POLD1: variants seen among roughly 807,000 people sequenced by gnomAD.
POLD1 encodes the protein DNA polymerase delta catalytic subunit.
Under a neutral mutation model 129.7 loss-of-function variants are expected in POLD1, and 79 were observed. The ratio of observed to expected loss-of-function variants is 0.61; its 90% CI spans 0.51 to 0.73. The LOEUF (loss-of-function observed/expected upper bound fraction) is 0.73. Ranked by LOEUF, POLD1 falls within the 30% of genes least tolerant of loss-of-function variation. POLD1 has a pLI of 0.00. For missense variants in POLD1, 1,338 were observed against 1,595.8 expected, an observed-to-expected ratio of 0.84 and a Z score of 2.75; for synonymous variants, 714 against 683.3, an observed-to-expected ratio of 1.04 and a Z score of -0.70.
intron 17 of POLD1, among the ~76,000 whole-genome samples, chr19:50,412,371 T>C (rs2039116123): frequency 6.6e-6 from 1 of 152,036 alleles, no homozygotes; most frequent in Non-Finnish European, 1.5e-5. Flanking sequence ...CAGGCTGGTC[T>C]TGAACTCCTG....
chr19:50,387,572 C>G (rs2038014740), intron 1 of POLD1: 1 of 152,420 alleles, frequency 6.6e-6, no homozygotes, highest in South Asian at 2.1e-4. Flanking sequence ...AGGTTTTGCC[C>G]CTGGTGACAC....
intron 22 of POLD1, 88 bp downstream of exon 22, chr19:50,415,914 G>A: frequency 2.9e-6 from 3 of 1,039,582 alleles, no homozygotes; most frequent in East Asian, 2.6e-5. Context: ...GGAAGGGTGG[G>A]GCCTCCCGTG....
At chr19:50,417,495 T>C (rs1431350868) in intron 26 of POLD1, among the ~76,000 whole-genome samples, 2 of 152,086 alleles carry the variant, frequency 1.3e-5, no homozygotes, top group Non-Finnish European at 2.9e-5. Flanking sequence ...CGGCACCCAG[T>C]GTTGCCCGGG....
chr19:50,416,852 CCT>C, intron 24 of POLD1, 129 bp downstream of exon 24: 1 of 928,714 alleles, frequency 1.1e-6, no homozygotes, highest in Non-Finnish European at 1.6e-6. Context: ...GTGGGTGGCC[CCT>C]GTCTCCACCC....
At chr19:50,389,887 G>GTT (rs111716675) in intron 1 of POLD1, among the ~76,000 whole-genome samples, 2 of 141,390 alleles carry the variant, frequency 1.4e-5, no homozygotes, top group East Asian at 4.2e-4. Flanking sequence ...TGTCCAGCCT[G>GTT]TTTTTTTTTT....
chr19:50,401,287 TATA>T (rs940810359), intron 3 of POLD1, among the ~76,000 whole-genome samples: 8 of 136,868 alleles, frequency 5.8e-5, no homozygotes, highest in African/African-American at 1.0e-4. Context: ...ATGTATAACA[TATA>T]TTATATATTA....
Position 50,403,479 on chromosome 19 carries a change from G to A in POLD1, c.1138-14G>A, listed in dbSNP as rs200111674. ...GGCAACCACCAGGGTGACCCAATGT[G>A]CTCCCACCCCCAGGCCTGGTCCACC... On this transcript the variant is annotated splice_polypyrimidine_tract_variant and intron_variant, in intron 9 of 26. Coordinates refer to ENST00000440232, the MANE Select transcript of POLD1 (RefSeq NM_002691.4). The A allele has an allele frequency of 6.3e-7, 1 of 1,589,546 alleles. No individual in the cohort carries two copies.
intron 3 of POLD1, among the ~76,000 whole-genome samples, chr19:50,401,079 G>A (rs2038582366): frequency 6.6e-6 from 1 of 151,466 alleles, no homozygotes; most frequent in Non-Finnish European, 1.5e-5. Flanking sequence ...CTTGAGGACA[G>A]GAGTTCAAGA....
At chr19:50,392,460 C>T (rs2546548) in intron 1 of POLD1, among the ~76,000 whole-genome samples, 10,838 of 151,964 alleles carry the variant, frequency 0.071, 1,269 homozygotes, top group African/African-American at 0.24. Flanking sequence ...CACCCCTCAC[C>T]TTGGATTCGT....
At chr19:50,404,855 G>A (rs1361694545) in intron 10 of POLD1, among the ~76,000 whole-genome samples, 3 of 123,414 alleles carry the variant, frequency 2.4e-5, no homozygotes, top group Non-Finnish European at 4.4e-5. Flanking sequence ...CCCAGGGGGC[G>A]CTGGGGTGTA....
At chr19:50,393,095 A>G (rs2038227498) in intron 1 of POLD1, among the ~76,000 whole-genome samples, 1 of 152,236 alleles carries the variant, frequency 6.6e-6, no homozygotes, top group African/African-American at 2.4e-5. Flanking sequence ...GTGATAATAT[A>G]TCTACAGTGT....
intron 1 of POLD1, among the ~76,000 whole-genome samples, chr19:50,385,580 ATGCAGTGG>A (rs2037942291): frequency 6.7e-6 from 1 of 148,364 alleles, no homozygotes; most frequent in Non-Finnish European, 1.5e-5. Flanking sequence ...CCAGGCTGGA[ATGCAGTGG>A]TGCAAACTCA....
At chr19:50,404,631 T>G (rs537050618) in intron 10 of POLD1, among the ~76,000 whole-genome samples, 1 of 130,640 alleles carries the variant, frequency 7.7e-6, no homozygotes, top group South Asian at 2.4e-4. Flanking sequence ...CAGGCTGGAG[T>G]GCGATGGCAC....
chr19:50,386,952 G>A (rs968678084), intron 1 of POLD1, among the ~76,000 whole-genome samples: 5 of 152,316 alleles, frequency 3.3e-5, no homozygotes, highest in African/African-American at 1.2e-4. Context: ...CAGCACTTTG[G>A]GAGGCCGAGG....
At position 50,402,637 on chromosome 19, in the gene POLD1, A is replaced by G. The variant is rs878854558; in HGVS notation, c.866A>G (p.Asp289Gly). 2.3e-5 allele frequency: 36 copies of G among 1,580,034 alleles called. No homozygotes were observed. The highest frequency in any genetic ancestry group is 3.0e-5 in the Non-Finnish European group (35 of 1,162,392). ...GCTACGCAGTGCCAGCTGGAGGCGG[A>G]CGTGCTGTGGTCTGACGTGGTCAGT... ...EKATQCQLEA[D>G]VLWSDVVSHP... is the part of the protein sequence containing the mutation. Residue 289 changes from aspartate to glycine, a missense_variant, in exon 8 of 27, where the codon GAC becomes GGC. This residue lies in a region of POLD1 where 720 missense variants were observed against 1,002.6 expected (regional missense o/e 0.72). Transcript: ENST00000440232.
At chr19:50,401,379 ATATATATATATATTTTTT>A (rs2038606114) in intron 3 of POLD1, among the ~76,000 whole-genome samples, 2 of 55,076 alleles carry the variant, frequency 3.6e-5, no homozygotes, top group Non-Finnish European at 3.7e-5. Context: ...ATATATATAT[ATATATATATATATTTTTT>A]TTTTTTTTTT....
intron 19 of POLD1, among the ~76,000 whole-genome samples, chr19:50,414,286 T>C (rs781643573): frequency 2.0e-5 from 3 of 152,264 alleles, no homozygotes; most frequent in Non-Finnish European, 4.4e-5. Flanking sequence ...TGGGTCTCGC[T>C]CTGTCGCCCA....
Position 50,414,931 on chromosome 19 carries a change from C to T in POLD1, c.2505C>T (p.Asp835=), listed in dbSNP as rs1028335528. 1.2e-6 allele frequency: 2 copies of T among 1,609,814 alleles called. No homozygotes were observed. Among genetic ancestry groups the T allele is most frequent in the East Asian group, 2.2e-5 (1 of 44,692 alleles). The change falls in exon 20 of 27, where the codon GAC becomes GAT. Residue 835 remains aspartate, a synonymous_variant. Transcript: ENST00000440232. ...DCKGLEAVRR[D]NCPLVANLVT... ...AGGGCCTGGAGGCCGTGCGCAGGGA[C>T]AACTGCCCCCTCGTGGCCAACCTGG...
chr19:50,409,738 TG>T lies in POLD1; in HGVS notation c.2154+77del. On this transcript the variant is annotated intron_variant, in intron 17 of 26. Coordinates refer to ENST00000440232, the MANE Select transcript of POLD1 (RefSeq NM_002691.4). This position sits in a 1 kb window ranked among gnomAD's most constrained non-coding sequence, Gnocchi z 5.8. Reference sequence around the variant, plus strand: ...CTGTGTAGGAGACCAGGGCTCCATGTGGGGGACCTGTATCCAGAGGACTGGG... The same window carrying T: ...CTGTGTAGGAGACCAGGGCTCCATGTGGGGACCTGTATCCAGAGGACTGGG... 6.8e-7 allele frequency: 1 copy of T among 1,474,914 alleles called. No homozygotes were observed. Among genetic ancestry groups the T allele is most frequent in the East Asian group, 2.3e-5 (1 of 43,780 alleles). The allele number at this position is 1,474,914 out of a possible 1,614,324, so 91.4% of individuals were successfully genotyped here. A position where few individuals can be genotyped will look rare whatever the true frequency, so the allele number is the denominator to read the frequency against.
Sources: gnomAD v4.1 joint callset for allele counts (sites outside exome capture counted in the v4.1 genomes callset) on GRCh38, gnomAD v4.1.1 for gene constraint, gnomAD v4.1.1 regional missense constraint, Gnocchi (gnomAD v3.1) non-coding constraint, MANE v1.5 for transcripts, NCBI Gene and HGNC (gene_info 2026-07-23, HGNC 2026-07-21) for gene names.